MRAP2: variants seen among roughly 807,000 people sequenced by gnomAD.
MRAP2 encodes melanocortin 2 receptor accessory protein 2.
Under a neutral mutation model 17.4 loss-of-function variants are expected in MRAP2, and 20 were observed. The ratio of observed to expected loss-of-function variants is 1.15; its 90% CI spans 0.81 to 1.67. MRAP2 has a LOEUF of 1.67. Ranked by LOEUF, MRAP2 falls within the 40% of genes most tolerant of loss-of-function variation. The pLI is 0.00. For missense variants in MRAP2, 238 were observed against 240.0 expected, an observed-to-expected ratio of 0.99 and a Z score of 0.05; for synonymous variants, 96 against 88.4, an observed-to-expected ratio of 1.09 and a Z score of -0.48.
the MRAP2 span, among the ~76,000 whole-genome samples, chr6:84,134,352 T>G: frequency 6.6e-6 from 1 of 152,110 alleles, no homozygotes; most frequent in Non-Finnish European, 1.5e-5. Flanking sequence ...CAACCCTCTT[T>G]CCAGGGGTGT....
the MRAP2 span, among the ~76,000 whole-genome samples, chr6:84,106,940 G>T: frequency 3.9e-5 from 6 of 152,248 alleles, no homozygotes; most frequent in Admixed American, 2.0e-4. Context: ...CCCAGTAGCA[G>T]GTAAAGAGCT....
At chr6:84,125,353 G>T in the MRAP2 span, 1 of 1,271,066 alleles carries the variant, frequency 7.9e-7, no homozygotes, top group Non-Finnish European at 1.1e-6. Flanking sequence ...CTTAAAGTAG[G>T]CAAACCTGGG....
At chr6:84,052,278 G>T (rs761778558) in intron 1 of MRAP2, among the ~76,000 whole-genome samples, 12 of 152,100 alleles carry the variant, frequency 7.9e-5, no homozygotes, top group Admixed American at 6.6e-5. Context: ...AGCAGCTGCC[G>T]GCCTGTCAGC....
chr6:84,139,763 TG>T, the MRAP2 span, among the ~76,000 whole-genome samples: 3 of 152,226 alleles, frequency 2.0e-5, no homozygotes, highest in African/African-American at 7.2e-5. Flanking sequence ...TCTTTGAATT[TG>T]TGACTCTTGT....
the MRAP2 span, among the ~76,000 whole-genome samples, chr6:84,146,105 G>A: frequency 6.6e-6 from 1 of 152,022 alleles, no homozygotes; most frequent in African/African-American, 2.4e-5. Context: ...AGCTGCACTT[G>A]TTCCAATCTA....
the MRAP2 span, among the ~76,000 whole-genome samples, chr6:84,137,537 A>C: frequency 1.1e-3 from 163 of 152,154 alleles, no homozygotes; most frequent in African/African-American, 3.4e-3. Flanking sequence ...ATGCAGATTA[A>C]AAAAAATAAA....
intron 3 of MRAP2, among the ~76,000 whole-genome samples, chr6:84,067,597 G>C (rs559843711): frequency 1.3e-5 from 2 of 151,996 alleles, no homozygotes; most frequent in Admixed American, 6.6e-5. Context: ...AGGTGATATC[G>C]CACTGTGGCT....
the MRAP2 span, among the ~76,000 whole-genome samples, chr6:84,133,243 C>A: frequency 1.3e-4 from 20 of 152,212 alleles, no homozygotes; most frequent in African/African-American, 4.8e-4. Context: ...GAGGGGCACC[C>A]GGCTGTATGA....
At chr6:84,076,785 C>A (rs1376872896) in intron 3 of MRAP2, among the ~76,000 whole-genome samples, 2 of 152,190 alleles carry the variant, frequency 1.3e-5, no homozygotes, top group African/African-American at 4.8e-5. Context: ...ATGCTAAGAC[C>A]ATTGGCACAG....
At chr6:84,041,462 G>A (rs1013392070) in intron 1 of MRAP2, among the ~76,000 whole-genome samples, 3 of 152,166 alleles carry the variant, frequency 2.0e-5, no homozygotes, top group South Asian at 2.1e-4. Context: ...TCCTCCAGTC[G>A]CCAGAATGGT....
chr6:84,086,705 G>A (rs2099500553), intron 3 of MRAP2, among the ~76,000 whole-genome samples: 1 of 152,144 alleles, frequency 6.6e-6, no homozygotes, highest in South Asian at 2.1e-4. Flanking sequence ...GGAGGGGGTG[G>A]CCATGGGAGC....
chr6:84,064,088 G>A (rs918107494), intron 3 of MRAP2, among the ~76,000 whole-genome samples: 9 of 151,474 alleles, frequency 5.9e-5, no homozygotes, highest in African/African-American at 9.7e-5. Context: ...GGGGCTGTGC[G>A]GAAGTTATGG....
At chr6:84,109,350 G>C in the MRAP2 span, among the ~76,000 whole-genome samples, 1 of 152,008 alleles carries the variant, frequency 6.6e-6, no homozygotes, top group Non-Finnish European at 1.5e-5. Context: ...TGATTTCTTT[G>C]AGCAGTGGTT....
At chr6:84,108,137 T>TATATATTTA in the MRAP2 span, among the ~76,000 whole-genome samples, 1 of 152,186 alleles carries the variant, frequency 6.6e-6, no homozygotes, top group Non-Finnish European at 1.5e-5. Flanking sequence ...GTTGGCTAAA[T>TATATATTTA]ATATATTTAA....
intron 2 of MRAP2, chr6:84,062,589 A>G: frequency 1.0e-6 from 1 of 985,416 alleles, no homozygotes; most frequent in South Asian, 4.7e-5. Flanking sequence ...AAAACACATT[A>G]GTGGAATCTT....
the MRAP2 span, among the ~76,000 whole-genome samples, chr6:84,145,987 G>A: frequency 1.3e-5 from 2 of 152,020 alleles, no homozygotes; most frequent in Non-Finnish European, 2.9e-5. Flanking sequence ...TTTGATGAGA[G>A]CTCACCTGCA....
chr6:84,044,086 A>T (rs1188995504), intron 1 of MRAP2, among the ~76,000 whole-genome samples: 1 of 152,214 alleles, frequency 6.6e-6, no homozygotes, highest in Non-Finnish European at 1.5e-5. Flanking sequence ...ACCAAAGAGA[A>T]CATTGTTTTC....
chr6:84,102,152 G>A, the MRAP2 span, among the ~76,000 whole-genome samples: 3 of 152,198 alleles, frequency 2.0e-5, no homozygotes, highest in Non-Finnish European at 4.4e-5. Flanking sequence ...TGGTAGCAGA[G>A]TGGCATGGTT....
the MRAP2 span, among the ~76,000 whole-genome samples, chr6:84,105,832 G>A: frequency 6.6e-6 from 1 of 152,074 alleles, no homozygotes. Flanking sequence ...TTATCTCTTG[G>A]TGGAAGTATG....
Sources: gnomAD v4.1 joint callset for allele counts (sites outside exome capture counted in the v4.1 genomes callset) on GRCh38, gnomAD v4.1.1 for gene constraint, MANE v1.5 for transcripts, NCBI Gene and HGNC (gene_info 2026-07-23, HGNC 2026-07-21) for gene names.